The following DDX19B variants were observed in gnomAD, a reference collection of about 807,000 sequenced individuals.
DDX19B encodes the protein ATP-dependent RNA helicase DDX19B.
Under a neutral mutation model 58.1 loss-of-function variants are expected in DDX19B, and 27 were observed. That is an observed-to-expected ratio of 0.46 (90% CI 0.34 to 0.64). The LOEUF (loss-of-function observed/expected upper bound fraction) is 0.64, where lower values mean the gene tolerates loss of function less well. Ranked by LOEUF, DDX19B falls within the 30% of genes least tolerant of loss-of-function variation. The pLI is 0.01. For synonymous variants in DDX19B, 187 were observed against 214.4 expected, an observed-to-expected ratio of 0.87 and a Z score of 1.12; for missense variants, 399 against 596.5, an observed-to-expected ratio of 0.67 and a Z score of 3.45.
chr16:70,333,648 G>A lies in DDX19B; in HGVS notation c.*66G>A. ...CTGCACAGGAGACAAGTGCGTTCAGGGCACAGGCCCCGACATCACCCCAAG... is the reference window on the plus strand; with the variant it reads ...CTGCACAGGAGACAAGTGCGTTCAGAGCACAGGCCCCGACATCACCCCAAG... On this transcript the variant is annotated 3_prime_UTR_variant, in exon 12 of 12. Transcript: ENST00000288071. 1 of 1,612,412 alleles carries A rather than the reference G, an allele frequency of 6.2e-7. No individual in the cohort carries two copies. Among genetic ancestry groups the A allele is most frequent in the African/African-American group, 1.3e-5 (1 of 74,994 alleles).
At chr16:70,296,678 A>G (rs751345071), upstream of DDX19B, among the ~76,000 whole-genome samples, 15 of 152,168 alleles carry the variant, frequency 9.9e-5, no homozygotes, top group Admixed American at 3.9e-4. Context: ...GATGTAGGTC[A>G]TGGCTACCAA....
intron 7 of DDX19B, among the ~76,000 whole-genome samples, chr16:70,327,621 T>TC (rs1460899179): frequency 2.0e-5 from 3 of 151,610 alleles, no homozygotes; most frequent in African/African-American, 7.3e-5. Flanking sequence ...GGTCTAGAAC[T>TC]CCAAGTCTCA....
intron 4 of DDX19B, chr16:70,317,251 T>C (rs184293012): frequency 3.3e-5 from 8 of 246,042 alleles, no homozygotes; most frequent in Non-Finnish European, 6.1e-5. Flanking sequence ...CATGGTGCCA[T>C]GTACCTGTAA....
At chr16:70,303,967 A>T (rs908028455) in intron 1 of DDX19B, among the ~76,000 whole-genome samples, 17 of 152,084 alleles carry the variant, frequency 1.1e-4, no homozygotes, top group African/African-American at 4.1e-4. Context: ...TATAGTTTTA[A>T]ATTTTACATT....
At chr16:70,317,279 G>T (rs1409716195) in intron 4 of DDX19B, 1 of 334,580 alleles carries the variant, frequency 3.0e-6, no homozygotes, top group Non-Finnish European at 5.5e-6. Context: ...TATTCGCGAG[G>T]CTGAGGCACG....
At chr16:70,294,271 C>T (rs751014207), upstream of DDX19B, among the ~76,000 whole-genome samples, 3 of 151,708 alleles carry the variant, frequency 2.0e-5, no homozygotes, top group Non-Finnish European at 4.4e-5. Flanking sequence ...TTAGTAGAGA[C>T]GGGGTTTCAC....
At chr16:70,325,759 C>T (rs1208934972) in intron 7 of DDX19B, 71 bp downstream of exon 7, 23 of 1,134,094 alleles carry the variant, frequency 2.0e-5, no homozygotes, top group Non-Finnish European at 2.8e-5. Context: ...AAAACCCACC[C>T]AATAGTTGAA....
intron 5 of DDX19B, among the ~76,000 whole-genome samples, chr16:70,323,574 C>A (rs1277445031): frequency 6.6e-6 from 1 of 152,036 alleles, no homozygotes; most frequent in African/African-American, 2.4e-5. Flanking sequence ...CAGGCGCCCA[C>A]CACCATGCCT....
chr16:70,301,951 G>A (rs145929134), intron 1 of DDX19B, among the ~76,000 whole-genome samples: 2,725 of 144,484 alleles, frequency 0.019, 160 homozygotes, highest in East Asian at 0.14. Context: ...ATGAAGTTTC[G>A]CTCTTGTCCG....
intron 7 of DDX19B, among the ~76,000 whole-genome samples, chr16:70,328,777 C>T (rs1963313822): frequency 1.3e-5 from 2 of 152,152 alleles, no homozygotes; most frequent in African/African-American, 4.8e-5. Flanking sequence ...ACCTTTTCAG[C>T]ATTTTTGTCT....
intron 1 of DDX19B, among the ~76,000 whole-genome samples, chr16:70,311,394 C>A (rs750651232): frequency 6.6e-6 from 1 of 151,896 alleles, no homozygotes; most frequent in Non-Finnish European, 1.5e-5. Context: ...AACAAACAAA[C>A]AAAAAATTTA....
chr16:70,314,823 A>G, intron 2 of DDX19B, 79 bp from the exon 3 acceptor site: 2 of 1,511,240 alleles, frequency 1.3e-6, no homozygotes, highest in East Asian at 2.3e-5. Flanking sequence ...AAAAACTTCT[A>G]GTGTCATAGA....
rs1489222484 is a variant in DDX19B at position 70,314,384 on chromosome 16, CG to C, written c.107-515del. On this transcript the variant is annotated intron_variant, in intron 2 of 11. Transcript: ENST00000288071. ...AGGAAAGAATATGAGCAACAGAGGCCGGGCGCGGTAGCTCACGCCTGTAATC... is the reference window on the plus strand; with the variant it reads ...AGGAAAGAATATGAGCAACAGAGGCCGGCGCGGTAGCTCACGCCTGTAATC... Among the ~76,000 whole-genome samples, 5 of 151,920 alleles carry C rather than the reference CG, an allele frequency of 3.3e-5. No individual in the cohort carries two copies. The East Asian group carries it at 9.7e-4, about 29-fold the overall frequency.
chr16:70,295,114 AC>A, upstream of DDX19B: 1 of 1,248,708 alleles, frequency 8.0e-7, no homozygotes, highest in Non-Finnish European at 1.0e-6. Flanking sequence ...GGCTAGGCTC[AC>A]GTGGGAATAA....
intron 2 of DDX19B, 89 bp downstream of exon 2, chr16:70,312,746 A>G: frequency 8.8e-7 from 1 of 1,131,996 alleles, no homozygotes; most frequent in East Asian, 2.5e-5. Context: ...AAAAATTTGT[A>G]TTTGTACCAG....
At position 70,306,871 on chromosome 16, in the gene DDX19B, CCT is replaced by C. The variant is rs564457945; in HGVS notation, c.58-5737_58-5736del. 1.2e-4 allele frequency among the ~76,000 whole-genome samples: 18 copies of C among 152,288 alleles called. No individual in the cohort carries two copies. The East Asian group carries it at 3.3e-3, about 28-fold the overall frequency. On this transcript the variant is annotated intron_variant, in intron 1 of 11. Coordinates refer to ENST00000288071, the MANE Select transcript of DDX19B (RefSeq NM_007242.7). The stretch of plus-strand genomic sequence containing the variant: ...ACTCTGTACACATTAGCAGTTACTC[CCT>C]GTTTCCCTACAAACTCCCCAGCTCT...
intron 5 of DDX19B, among the ~76,000 whole-genome samples, chr16:70,320,765 G>T (rs1203043559): frequency 6.6e-6 from 1 of 150,594 alleles, no homozygotes; most frequent in African/African-American, 2.4e-5. Flanking sequence ...CACCATGTTG[G>T]CCAGGCTGGT....
At chr16:70,321,851 T>C (rs1482622780) in intron 5 of DDX19B, among the ~76,000 whole-genome samples, 1 of 142,830 alleles carries the variant, frequency 7.0e-6, no homozygotes, top group Non-Finnish European at 1.5e-5. Flanking sequence ...CTGGCCAACA[T>C]GGTGAAACCC....
At chr16:70,312,726 C>G (rs1962157111) in intron 2 of DDX19B, 69 bp downstream of exon 2, 1 of 1,391,058 alleles carries the variant, frequency 7.2e-7, no homozygotes, top group East Asian at 2.4e-5. Context: ...GGCATAACAA[C>G]TGTCTGGAAA....
Sources: allele counts gnomAD v4.1 joint callset (sites outside exome capture counted in the v4.1 genomes callset), GRCh38; gene constraint gnomAD v4.1.1; transcripts MANE v1.5; gene names NCBI Gene and HGNC (gene_info 2026-07-23, HGNC 2026-07-21).